KAT2A: variants seen among roughly 807,000 people sequenced by gnomAD.
KAT2A encodes the protein histone acetyltransferase KAT2A.
KAT2A carries 42 observed loss-of-function variants against 95.2 expected under a neutral mutation model. That is an observed-to-expected ratio of 0.44 (90% CI 0.34 to 0.57). The LOEUF is 0.57. Among genes scored for constraint, KAT2A ranks in the 20% least tolerant of loss-of-function variants. KAT2A has a pLI of 0.01. For synonymous variants in KAT2A, 449 were observed against 448.2 expected (o/e 1.00, Z -0.02); for missense variants, 784 against 1,126.3 (o/e 0.70, Z 4.35).
Position 42,118,359 on chromosome 17 carries a change from GGA to G in KAT2A, c.1116_1117del (p.Pro373AsnfsTer80). ...CATGGTGAAGCCTGACTCCCAGATT[GGA>G]GAGTTTGCCCCATAGATCTCCTCCT... On this transcript the variant is annotated frameshift_variant, in exon 7 of 18. Coordinates refer to ENST00000225916, the MANE Select transcript of KAT2A (RefSeq NM_021078.3). LOFTEE classifies it high-confidence loss of function. 6.2e-7 allele frequency: 1 copy of G among 1,613,940 alleles called. No homozygotes were observed. The highest frequency in any genetic ancestry group is 8.5e-7 in the Non-Finnish European group (1 of 1,179,800).
chr17:42,118,985 G>T, intron 6 of KAT2A: 1 of 1,274,042 alleles, frequency 7.8e-7, no homozygotes, highest in Non-Finnish European at 1.0e-6. Flanking sequence ...AGGCCCCCAT[G>T]GGAAACAATT....
At position 42,119,268 on chromosome 17, in the gene KAT2A, G is replaced by A. The variant is rs782348784; in HGVS notation, c.1050C>T (p.Thr350=). ...ACTTGGGGAAGTGAGTGAGGATGAG[G>A]GTCCTCTTCTCGGGCACCAATTTGT... ...EKDKLVPEKR[T]LILTHFPKFL... The change falls in exon 6 of 18, where the codon ACC becomes ACT. Residue 350 remains threonine, a synonymous_variant. Coordinates refer to ENST00000225916, the MANE Select transcript of KAT2A (RefSeq NM_021078.3). The surrounding 1 kb of genome is among the most constrained non-coding windows in gnomAD (Gnocchi z 5.3). 9 of 1,612,232 alleles carry A rather than the reference G, an allele frequency of 5.6e-6. No homozygotes were observed. In the Admixed American group the frequency reaches 1.3e-4, roughly 24 times the overall value.
At position 42,120,104 on chromosome 17, in the gene KAT2A, T is replaced by C; in HGVS notation, c.625A>G (p.Ile209Val). 1.9e-6 allele frequency: 3 copies of C among 1,614,148 alleles called. No individual in the cohort carries two copies. The highest frequency in any genetic ancestry group is 2.5e-6 in the Non-Finnish European group (3 of 1,180,018). ...FYLFKLLRKC[I>V]LQMTRPVVEG... ...ACCACAGGCCGGGTCATCTGCAGGATGCATTTCCGCAGTAGCTAGAGAGAA... is the reference window on the plus strand; with the variant it reads ...ACCACAGGCCGGGTCATCTGCAGGACGCATTTCCGCAGTAGCTAGAGAGAA... Residue 209 changes from isoleucine to valine, a missense_variant, in exon 4 of 18, where the codon ATC becomes GTC. Physicochemically the swap from Ile to Val is conservative, Grantham distance 29. This residue lies in a region of KAT2A where 208 missense variants were observed against 339.7 expected (regional missense o/e 0.61). Coordinates refer to ENST00000225916, the MANE Select transcript of KAT2A (RefSeq NM_021078.3).
At position 42,121,294 on chromosome 17, in the gene KAT2A, G is replaced by A; in HGVS notation, c.11C>T (p.Pro4Leu). The change falls in exon 1 of 18, where the codon CCT becomes CTT. Residue 4 changes from proline (P) to leucine (L), a missense_variant. Pro to Leu is a moderately conservative substitution (Grantham distance 98). This residue lies in a region of KAT2A where 142 missense variants were observed against 123.2 expected (regional missense o/e 1.15). Coordinates refer to ENST00000225916, the MANE Select transcript of KAT2A (RefSeq NM_021078.3). ...CGGGGCCGGGGTCGGGGCCTGGGAA[G>A]GTTCCGCCATGGCCTCCCCCGCAGC... The part of the protein sequence containing the change: MAE[P>L]SQAPTPAPAA... 1.5e-6 allele frequency: 2 copies of A among 1,374,360 alleles called. No homozygotes were observed. The highest frequency in any genetic ancestry group is 2.7e-4 in the Middle Eastern group (1 of 3,710). The allele number at this position is 1,374,360 out of a possible 1,614,324, so 85.1% of individuals were successfully genotyped here.
chr17:42,118,978 C>A lies in KAT2A; in HGVS notation c.1073+267G>T, dbSNP rs564691862. The A allele has an allele frequency of 4.8e-6, 6 of 1,247,782 alleles. No homozygotes were observed. In the East Asian group the frequency reaches 2.0e-4, roughly 41 times the overall value. The allele number at this position is 1,247,782 out of a possible 1,614,324, so 77.3% of individuals were successfully genotyped here. A position where few individuals can be genotyped will look rare whatever the true frequency, so the allele number is the denominator to read the frequency against. On this transcript the variant is annotated intron_variant, in intron 6 of 17. Coordinates refer to ENST00000225916, the MANE Select transcript of KAT2A (RefSeq NM_021078.3). Reference sequence around the variant, plus strand: ...GAAGGAGTCTGAGGCTGTGTCCAGGCCCCCATGGGAAACAATTAGTAACAT... The same window carrying A: ...GAAGGAGTCTGAGGCTGTGTCCAGGACCCCATGGGAAACAATTAGTAACAT...
In KAT2A at chr17:42,117,640, G is replaced by A. The variant is rs1555666287; in HGVS notation, c.1428+38C>T. ...TGGTGAGCCGGGGTCTCAGGTTGGT[G>A]GGGGTCCCCCAACTGGTCAGCAGGT... On this transcript the variant is annotated intron_variant, in intron 9 of 17. Coordinates refer to ENST00000225916, the MANE Select transcript of KAT2A (RefSeq NM_021078.3). The surrounding 1 kb of genome is among the most constrained non-coding windows in gnomAD (Gnocchi z 8.9). 7.5e-6 allele frequency: 12 copies of A among 1,605,944 alleles called. No homozygotes were observed. The highest frequency in any genetic ancestry group is 1.0e-5 in the Non-Finnish European group (12 of 1,174,862).
rs1555665571 is a variant in KAT2A at position 42,114,556 on chromosome 17, A to G, written c.2068T>C (p.Tyr690His). ...TCCTTGAAGCAGCTGAGCCCCGGGT[A>G]GACCTTGCGGATCTGGGCCTGTTTG... The part of the protein sequence containing the change: ...ERKQAQIRKV[Y>H]PGLSCFKEGV... Residue 690 changes from tyrosine to histidine, a missense_variant, in exon 14 of 18, where the codon TAC becomes CAC. Physicochemically the swap from Tyr to His is moderately conservative, Grantham distance 83. Coordinates refer to ENST00000225916, the MANE Select transcript of KAT2A (RefSeq NM_021078.3). The surrounding 1 kb of genome is among the most constrained non-coding windows in gnomAD (Gnocchi z 6.0). 2 of 1,614,082 alleles carry G rather than the reference A, an allele frequency of 1.2e-6. No homozygotes were observed. The highest frequency in any genetic ancestry group is 1.7e-5 in the Admixed American group (1 of 60,016).
Position 42,114,680 on chromosome 17 carries a change from T to G in KAT2A, c.2020-76A>C. On this transcript the variant is annotated intron_variant, in intron 13 of 17. Coordinates refer to ENST00000225916, the MANE Select transcript of KAT2A (RefSeq NM_021078.3). This position sits in a 1 kb window ranked among gnomAD's most constrained non-coding sequence, Gnocchi z 6.0. ...CTCCCAGGGCCACAGTCGGAGCCAC[T>G]GGCTGCACCCACCCAGCTGCAACGC... is the stretch of plus-strand genomic sequence containing the variant. 7.3e-7 allele frequency: 1 copy of G among 1,361,456 alleles called. No individual in the cohort carries two copies. Among genetic ancestry groups the G allele is most frequent in the Non-Finnish European group, 1.0e-6 (1 of 965,666 alleles). The allele number at this position is 1,361,456 out of a possible 1,614,324, so 84.3% of individuals were successfully genotyped here.
At position 42,117,377 on chromosome 17, in the gene KAT2A, G is replaced by A; in HGVS notation, c.1637+11C>T. 6.2e-7 allele frequency: 1 copy of A among 1,612,624 alleles called. No homozygotes were observed. Among genetic ancestry groups the A allele is most frequent in the Non-Finnish European group, 8.5e-7 (1 of 1,179,220 alleles). ...TGCTGCCCTGGGGGAGGGGCTCTCT[G>A]GGGGACGCACGGGTCAAAGACGAGG... On this transcript the variant is annotated intron_variant, in intron 10 of 17. Coordinates refer to ENST00000225916, the MANE Select transcript of KAT2A (RefSeq NM_021078.3). This position sits in a 1 kb window ranked among gnomAD's most constrained non-coding sequence, Gnocchi z 8.9.
At chr17:42,116,932 A>C (rs2054266587) in intron 11 of KAT2A, 103 bp downstream of exon 11, 2 of 1,407,824 alleles carry the variant, frequency 1.4e-6, no homozygotes, top group East Asian at 4.6e-5. Flanking sequence ...TAACTAAGAG[A>C]AGAGCAACGG....
In KAT2A at chr17:42,121,226, T is replaced by A; in HGVS notation, c.79A>T (p.Thr27Ser). The A allele has an allele frequency of 7.4e-7, 1 of 1,346,962 alleles. No homozygotes were observed. The highest frequency in any genetic ancestry group is 9.8e-7 in the Non-Finnish European group (1 of 1,022,832). 83.4% of individuals were successfully genotyped at this position (1,346,962 alleles called of 1,614,324 possible). The change falls in exon 1 of 18, where the codon ACT becomes TCT. Residue 27 changes from threonine (T) to serine (S), a missense_variant. Physicochemically the swap from Thr to Ser is moderately conservative, Grantham distance 58. Coordinates refer to ENST00000225916, the MANE Select transcript of KAT2A (RefSeq NM_021078.3). ...GCCGGGCTGGGTGCAGGAGTCGGAG[T>A]TGGGGCAGGGGCTGGGGACTGAAGG... ...RPLQSPAPAP[T>S]PTPAPSPASA...
rs1555666947 is a variant in KAT2A at position 42,120,015 on chromosome 17, A to C, written c.699+15T>G. 3 of 1,605,480 alleles carry C rather than the reference A, an allele frequency of 1.9e-6. No individual in the cohort carries two copies. Among genetic ancestry groups the C allele is most frequent in the Non-Finnish European group, 1.7e-6 (2 of 1,172,688 alleles). On this transcript the variant is annotated intron_variant, in intron 4 of 17. Transcript: ENST00000225916. The stretch of plus-strand genomic sequence containing the variant: ...CCAATTCTCCTATCCGCTATCTCCA[A>C]TTCCCCTATCTCACCTGCTCAATAT...
At chr17:42,118,906 G>T in intron 6 of KAT2A, 3 of 530,436 alleles carry the variant, frequency 5.7e-6, no homozygotes, top group Non-Finnish European at 8.0e-6. Flanking sequence ...AGTAGAAATT[G>T]GTTTCACTTC....
In KAT2A at chr17:42,114,467, C is replaced by T. The variant is rs781894619; in HGVS notation, c.2134+23G>A. ...CCCCAAGCATCGTGCCCCCACTACCCTGCAACTGAGACCCCTGCTTACGAA... is the reference window on the plus strand; with the variant it reads ...CCCCAAGCATCGTGCCCCCACTACCTTGCAACTGAGACCCCTGCTTACGAA... On this transcript the variant is annotated intron_variant, in intron 14 of 17. Transcript: ENST00000225916. The surrounding 1 kb of genome is among the most constrained non-coding windows in gnomAD (Gnocchi z 6.0). 11 of 1,613,428 alleles carry T rather than the reference C, an allele frequency of 6.8e-6. No individual in the cohort carries two copies. The highest frequency in any genetic ancestry group is 6.7e-5 in the Admixed American group (4 of 60,026).
At chr17:42,118,179 G>C (rs1282340498) in intron 7 of KAT2A, 118 bp downstream of exon 7, 3 of 866,724 alleles carry the variant, frequency 3.5e-6, no homozygotes, top group Non-Finnish European at 3.7e-6. Flanking sequence ...GGCTGAAGCC[G>C]GTGGCAGGTC....
At chr17:42,115,116 G>C in intron 12 of KAT2A, 81 bp from the exon 13 acceptor site, 1 of 1,453,668 alleles carries the variant, frequency 6.9e-7, no homozygotes, top group South Asian at 1.2e-5. Context: ...AGCACCAGAG[G>C]AGTAGCACGT....
At chr17:42,116,030 C>T (rs2054253838) in intron 11 of KAT2A, among the ~76,000 whole-genome samples, 197 bp from the exon 12 acceptor site, 1 of 152,206 alleles carries the variant, frequency 6.6e-6, no homozygotes. Flanking sequence ...GCTTTCTAAG[C>T]TCACTCTGGG....
In KAT2A at chr17:42,113,983, G is replaced by T; in HGVS notation, c.2320+17C>A. ...GGACAGAAGAGGAGGGAAGGGGATG[G>T]AATGGAAGGTCCTCACCAATGGGGA... On this transcript the variant is annotated intron_variant, in intron 17 of 17. Coordinates refer to ENST00000225916, the MANE Select transcript of KAT2A (RefSeq NM_021078.3). 1 of 1,505,212 alleles carries T rather than the reference G, an allele frequency of 6.6e-7. No individual in the cohort carries two copies. The highest frequency in any genetic ancestry group is 8.9e-7 in the Non-Finnish European group (1 of 1,128,534). 93.2% of individuals were successfully genotyped at this position (1,505,212 alleles called of 1,614,324 possible).
chr17:42,120,582 C>G (rs139897467), intron 2 of KAT2A, 124 bp downstream of exon 2: 285 of 1,377,032 alleles, frequency 2.1e-4, no homozygotes, highest in Middle Eastern at 1.9e-3. Flanking sequence ...ACACCCCCCC[C>G]CAACCCAATC....
Sources: allele counts gnomAD v4.1 joint callset (sites outside exome capture counted in the v4.1 genomes callset), GRCh38; gene constraint gnomAD v4.1.1; regional missense constraint gnomAD v4.1.1; non-coding constraint Gnocchi (gnomAD v3.1); transcripts MANE v1.5; gene names NCBI Gene and HGNC (gene_info 2026-07-23, HGNC 2026-07-21).